ARRB1: variants seen among roughly 807,000 people sequenced by gnomAD.
The protein encoded by ARRB1 is beta-arrestin-1.
Under a neutral mutation model 56.8 loss-of-function variants are expected in ARRB1, and 21 were observed. The observed-to-expected ratio is 0.37, with a 90% CI of 0.26 to 0.53. The LOEUF (loss-of-function observed/expected upper bound fraction) is 0.53, where lower values mean the gene tolerates loss of function less well. Among genes scored for constraint, ARRB1 ranks in the 20% least tolerant of loss-of-function variants. The pLI is 0.88. For synonymous variants in ARRB1, 210 were observed against 218.6 expected, an observed-to-expected ratio of 0.96 and a Z score of 0.35; for missense variants, 424 against 553.7, an observed-to-expected ratio of 0.77 and a Z score of 2.35.
chr11:75,280,300 G>A (rs1178746497), intron 7 of ARRB1, among the ~76,000 whole-genome samples: 2 of 152,222 alleles, frequency 1.3e-5, no homozygotes, highest in Non-Finnish European at 2.9e-5. Context: ...TGCCAGGGCT[G>A]CAGATGCAAA....
chr11:75,306,739 A>T, intron 1 of ARRB1: 1 of 1,150,360 alleles, frequency 8.7e-7, no homozygotes, highest in Non-Finnish European at 1.1e-6. Context: ...AGTTACAAAG[A>T]AAAGGAAAAG....
chr11:75,320,379 G>A (rs543650631), intron 1 of ARRB1, among the ~76,000 whole-genome samples: 45 of 152,334 alleles, frequency 3.0e-4, no homozygotes, highest in Non-Finnish European at 5.0e-4. Flanking sequence ...AAACTCCTCC[G>A]CCTCCTCCTT....
At chr11:75,346,433 C>T (rs1003115368) in intron 1 of ARRB1, among the ~76,000 whole-genome samples, 1 of 152,086 alleles carries the variant, frequency 6.6e-6, no homozygotes, top group Non-Finnish European at 1.5e-5. Context: ...GTTCCCATAC[C>T]CAGTCTTCAC....
At position 75,263,011 on chromosome 11, in the gene ARRB1, C is replaced by T. The variant is rs146375593; in HGVS notation, c.*3152G>A. Among the ~76,000 whole-genome samples, 17 of 152,196 alleles carry T rather than the reference C, an allele frequency of 1.1e-4. No homozygotes were observed. Among genetic ancestry groups the T allele is most frequent in the Non-Finnish European group, 2.9e-5 (2 of 68,028 alleles). On this transcript the variant is annotated 3_prime_UTR_variant, in exon 16 of 16. Coordinates refer to ENST00000420843, the MANE Select transcript of ARRB1 (RefSeq NM_004041.5). ...TCTGCTCGGTGGGTTTTCACCGGGGCATGCTTTTCCTTCCTGCCCGGACCG... is the reference window on the plus strand; with the variant it reads ...TCTGCTCGGTGGGTTTTCACCGGGGTATGCTTTTCCTTCCTGCCCGGACCG...
rs552916107 is a variant in ARRB1, at chr11:75,334,936, T to G, written c.20+16652A>C. ...GCTTACAGAGCTTGGAAGGTTTTTT[T>G]TTTGTTTGTTTGTTTGTTTTAAAAA... On this transcript the variant is annotated intron_variant, in intron 1 of 15. Coordinates refer to ENST00000420843, the MANE Select transcript of ARRB1 (RefSeq NM_004041.5). Among the ~76,000 whole-genome samples the G allele has an allele frequency of 3.5e-3, 524 of 151,546 alleles. 3 individuals carry two copies. Among genetic ancestry groups the G allele is most frequent in the African/African-American group, 0.01 (416 of 41,498 alleles).
At position 75,264,260 on chromosome 11, in the gene ARRB1, C is replaced by T. The variant is rs1945861250; in HGVS notation, c.*1903G>A. 6.6e-6 allele frequency: 1 copy of T among 152,144 alleles called. No individual in the cohort carries two copies. The highest frequency in any genetic ancestry group is 1.5e-5 in the Non-Finnish European group (1 of 68,044). 9.4% of individuals were successfully genotyped at this position (152,144 alleles called of 1,614,324 possible). ...ACAGGAAATAAGTCACACTGCCTGC[C>T]CCAGGAGGTGCTGGACTGGAAAGGA... On this transcript the variant is annotated 3_prime_UTR_variant, in exon 16 of 16. Coordinates refer to ENST00000420843, the MANE Select transcript of ARRB1 (RefSeq NM_004041.5).
intron 3 of ARRB1, 83 bp downstream of exon 3, chr11:75,287,232 C>T: frequency 6.9e-7 from 1 of 1,440,240 alleles, no homozygotes; most frequent in Middle Eastern, 2.0e-4. Flanking sequence ...CACCGGGCCC[C>T]TCTGGAGAGC....
At chr11:75,302,181 CA>C (rs146812830) in intron 1 of ARRB1, among the ~76,000 whole-genome samples, 7,515 of 152,234 alleles carry the variant, frequency 0.049, 641 homozygotes, top group African/African-American at 0.17. Context: ...CCAGAGGGGT[CA>C]GGGGTGGTGG....
rs560263879 is a variant in ARRB1, at chr11:75,263,081, C to T, written c.*3082G>A. ...AGGGCACACTGCAAAGTCCCAGTGA[C>T]GGATGGCTTGGCCAGTGCAGGCCCC... On this transcript the variant is annotated 3_prime_UTR_variant, in exon 16 of 16. Coordinates refer to ENST00000420843, the MANE Select transcript of ARRB1 (RefSeq NM_004041.5). Among the ~76,000 whole-genome samples the T allele has an allele frequency of 1.3e-4, 20 of 152,354 alleles. No homozygotes were observed. The South Asian group carries it at 1.9e-3, about 14-fold the overall frequency.
intron 1 of ARRB1, among the ~76,000 whole-genome samples, chr11:75,349,344 A>G (rs1947814464): frequency 6.6e-6 from 1 of 152,214 alleles, no homozygotes; most frequent in South Asian, 2.1e-4. Flanking sequence ...TACAGATGGG[A>G]AACTAACGTC....
chr11:75,347,050 C>T (rs764935728), intron 1 of ARRB1, among the ~76,000 whole-genome samples: 1 of 152,272 alleles, frequency 6.6e-6, no homozygotes, highest in Admixed American at 6.5e-5. Flanking sequence ...TCCCAGCCTG[C>T]TGTTCTACTG....
At position 75,265,733 on chromosome 11, in the gene ARRB1, C is replaced by A. The variant is rs11236380; in HGVS notation, c.*430G>T. 6.6e-5 allele frequency: 12 copies of A among 181,364 alleles called. No homozygotes were observed. Among genetic ancestry groups the A allele is most frequent in the Non-Finnish European group, 1.4e-4 (12 of 85,232 alleles). 11.2% of individuals were successfully genotyped at this position (181,364 alleles called of 1,614,324 possible). A position where few individuals can be genotyped will look rare whatever the true frequency, so the allele number is the denominator to read the frequency against. ...CTTCAACGCGGTCATCTTTTAGCTG[C>A]CAGAACTTTGTTAACCACCTGGGAC... On this transcript the variant is annotated 3_prime_UTR_variant, in exon 16 of 16. Transcript: ENST00000420843.
At chr11:75,286,195 G>C (rs1024986054) in intron 3 of ARRB1, among the ~76,000 whole-genome samples, 5 of 148,066 alleles carry the variant, frequency 3.4e-5, no homozygotes, top group Admixed American at 2.0e-4. Context: ...CCTGGACCCA[G>C]GACAGCCCAC....
intron 11 of ARRB1, 123 bp downstream of exon 11, chr11:75,273,951 G>A: frequency 6.9e-7 from 1 of 1,450,810 alleles, no homozygotes; most frequent in Non-Finnish European, 9.5e-7. Context: ...CTGAGGACAG[G>A]CCCTGACAAG....
At chr11:75,296,646 C>A (rs76004353) in intron 1 of ARRB1, among the ~76,000 whole-genome samples, 1,942 of 152,148 alleles carry the variant, frequency 0.013, 33 homozygotes, top group African/African-American at 0.042. Context: ...ACAAGATTTT[C>A]TAATTCTATA....
intron 7 of ARRB1, among the ~76,000 whole-genome samples, chr11:75,280,014 C>T (rs1163281726): frequency 3.9e-5 from 6 of 152,216 alleles, no homozygotes; most frequent in Non-Finnish European, 8.8e-5. Flanking sequence ...TTAGTTCATA[C>T]AGCCCAGCAC....
chr11:75,276,715 G>A, intron 10 of ARRB1, 124 bp downstream of exon 10: 2 of 847,080 alleles, frequency 2.4e-6, no homozygotes, highest in East Asian at 2.6e-5. Context: ...GAGTGGCAAG[G>A]AAGTCTGAGG....
Position 75,263,586 on chromosome 11 carries a change from C to T in ARRB1, c.*2577G>A, listed in dbSNP as rs372061566. 1.3e-5 allele frequency among the ~76,000 whole-genome samples: 2 copies of T among 152,198 alleles called. No individual in the cohort carries two copies. Among genetic ancestry groups the T allele is most frequent in the Non-Finnish European group, 2.9e-5 (2 of 68,040 alleles). ...TGCCCTCTATTACTTATCCCTACAA[C>T]GTTTCCCTGACCATGGGCTTCCTGA... On this transcript the variant is annotated 3_prime_UTR_variant, in exon 16 of 16. Coordinates refer to ENST00000420843, the MANE Select transcript of ARRB1 (RefSeq NM_004041.5).
rs1335305180 is a variant in ARRB1, at chr11:75,260,292, C to T, written c.*5871G>A. 2.0e-5 allele frequency: 3 copies of T among 152,210 alleles called. No individual in the cohort carries two copies. Among genetic ancestry groups the T allele is most frequent in the African/African-American group, 7.2e-5 (3 of 41,428 alleles). 9.4% of individuals were successfully genotyped at this position (152,210 alleles called of 1,614,324 possible). On this transcript the variant is annotated 3_prime_UTR_variant, in exon 16 of 16. Transcript: ENST00000420843. ...AGAGTGTCACAAAATAATCACTCAA[C>T]ACAAGGGCCACAGACCTGGAGATTC...
Sources: allele counts gnomAD v4.1 joint callset (sites outside exome capture counted in the v4.1 genomes callset), GRCh38; gene constraint gnomAD v4.1.1; transcripts MANE v1.5; gene names NCBI Gene and HGNC (gene_info 2026-07-23, HGNC 2026-07-21).